The following LMBR1 variants were observed in gnomAD, a reference collection of about 807,000 sequenced individuals.
The protein encoded by LMBR1 is limb region 1 protein homolog.
A neutral mutation model predicts 73.9 loss-of-function variants in LMBR1; 52 were observed. That is an observed-to-expected ratio of 0.70 (90% confidence interval 0.56 to 0.89). The LOEUF (loss-of-function observed/expected upper bound fraction) is 0.89, where lower values mean the gene tolerates loss of function less well. Ranked by LOEUF, LMBR1 falls within the 40% of genes least tolerant of loss-of-function variation. The pLI is 0.00. For synonymous variants in LMBR1, 215 were observed against 209.4 expected, an observed-to-expected ratio of 1.03 and a Z score of -0.23; for missense variants, 539 against 579.8, an observed-to-expected ratio of 0.93 and a Z score of 0.72.
At chr7:156,892,177 C>G (rs73167981) in intron 1 of LMBR1, among the ~76,000 whole-genome samples, 6,066 of 152,320 alleles carry the variant, frequency 0.04, 169 homozygotes, top group Admixed American at 0.048. Context: ...AGCTGCTTCC[C>G]TAAGAAGTTG....
intron 4 of LMBR1, among the ~76,000 whole-genome samples, chr7:156,814,360 C>T (rs556949716): frequency 1.3e-5 from 2 of 152,220 alleles, no homozygotes; most frequent in African/African-American, 4.8e-5. Context: ...TTAATTCTAT[C>T]AACATAAAAC....
At chr7:156,699,975 G>C (rs898284951) in intron 15 of LMBR1, among the ~76,000 whole-genome samples, 1 of 152,204 alleles carries the variant, frequency 6.6e-6, no homozygotes, top group African/African-American at 2.4e-5. Context: ...CGTTGTGGAA[G>C]TCAGTGTGGC....
rs576124461 is a variant in LMBR1 at position 156,825,212 on chromosome 7, T to C, written c.319+1393A>G. Among the ~76,000 whole-genome samples the C allele has an allele frequency of 9.9e-5, 15 of 152,172 alleles. No homozygotes were observed. In the East Asian group the frequency reaches 2.9e-3, roughly 29 times the overall value. ...TAAGGTTCTTACTAAGAAAAAAAAT[T>C]TTCAAAAAACTTTTACCTTAAAATG... On this transcript the variant is annotated intron_variant, in intron 4 of 16. Transcript: ENST00000353442.
intron 3 of LMBR1, among the ~76,000 whole-genome samples, chr7:156,831,532 C>CGA (rs1836696241): frequency 1.3e-5 from 2 of 152,102 alleles, no homozygotes; most frequent in African/African-American, 4.8e-5. Flanking sequence ...GACTCCTCCT[C>CGA]AGGTGACCCT....
At chr7:156,673,001 C>T (rs541375490), downstream of LMBR1, among the ~76,000 whole-genome samples, 5 of 152,324 alleles carry the variant, frequency 3.3e-5, no homozygotes, top group Admixed American at 6.5e-5. Flanking sequence ...AGGCCCGGGG[C>T]AAAGCCTGAA....
At chr7:156,675,633 G>C, downstream of LMBR1, 2 of 1,438,732 alleles carry the variant, frequency 1.4e-6, no homozygotes, top group Non-Finnish European at 1.9e-6. Flanking sequence ...AGGCTCGAGA[G>C]CGCTTCCCTG....
chr7:156,731,242 T>C (rs945886164), intron 10 of LMBR1, among the ~76,000 whole-genome samples: 1 of 151,840 alleles, frequency 6.6e-6, no homozygotes, highest in African/African-American at 2.4e-5. Flanking sequence ...GACTGAAGCA[T>C]GAAGATAAAA....
intron 1 of LMBR1, among the ~76,000 whole-genome samples, chr7:156,875,607 T>C (rs1458773785): frequency 6.6e-6 from 1 of 152,112 alleles, no homozygotes; most frequent in Non-Finnish European, 1.5e-5. Flanking sequence ...CCAGAGTAAC[T>C]GCAGATTTCT....
At chr7:156,810,151 G>A in intron 4 of LMBR1, among the ~76,000 whole-genome samples, 1 of 152,160 alleles carries the variant, frequency 6.6e-6, no homozygotes, top group East Asian at 1.9e-4. Context: ...GCTGTGAGGA[G>A]GGCCTCAAGC....
At chr7:156,743,208 G>A (rs1819230315) in intron 9 of LMBR1, among the ~76,000 whole-genome samples, 1 of 152,006 alleles carries the variant, frequency 6.6e-6, no homozygotes, top group Non-Finnish European at 1.5e-5. Flanking sequence ...GGGGATTCTG[G>A]GGTATAAATT....
At chr7:156,782,754 G>A (rs948747436) in intron 5 of LMBR1, among the ~76,000 whole-genome samples, 3 of 152,012 alleles carry the variant, frequency 2.0e-5, no homozygotes, top group East Asian at 1.9e-4. Context: ...CATATTGGCC[G>A]GGCTGGTCTC....
At position 156,688,184 on chromosome 7, in the gene LMBR1, A is replaced by T. The variant is rs376730383; in HGVS notation, c.1233T>A (p.Thr411=). 28 of 1,590,142 alleles carry T rather than the reference A, an allele frequency of 1.8e-5. No homozygotes were observed. In the Middle Eastern group the frequency reaches 5.0e-4, roughly 29 times the overall value. ...CAAAGTCGCCAAGTAGATCAAATCT[A>T]GTGATTCCTGTTAAAAATAAATAAA... The part of the protein sequence containing the change: ...LPVMSRTLGI[T]RFDLLGDFGR... The change falls in exon 16 of 17, where the codon ACT becomes ACA. Residue 411 remains threonine (T), a synonymous_variant. Coordinates refer to ENST00000353442, the MANE Select transcript of LMBR1 (RefSeq NM_022458.4).
intron 10 of LMBR1, among the ~76,000 whole-genome samples, chr7:156,729,530 G>A (rs1181322279): frequency 2.0e-5 from 3 of 147,040 alleles, no homozygotes; most frequent in Admixed American, 6.9e-5. Flanking sequence ...CTGGAGTGCA[G>A]TGGCACAATC....
downstream of LMBR1, chr7:156,676,620 C>T (rs544655520): frequency 8.1e-6 from 13 of 1,614,012 alleles, no homozygotes; most frequent in Admixed American, 1.3e-4. Flanking sequence ...TCCTCTCTGC[C>T]GCTCCTGCTA....
chr7:156,888,653 C>A (rs959303846), intron 1 of LMBR1, among the ~76,000 whole-genome samples: 4 of 152,152 alleles, frequency 2.6e-5, no homozygotes, highest in Admixed American at 1.3e-4. Context: ...CACGTTGGCT[C>A]CCGCCTGTAA....
At chr7:156,675,937 G>A (rs995018442), downstream of LMBR1, 44 of 1,457,874 alleles carry the variant, frequency 3.0e-5, no homozygotes, top group Admixed American at 5.7e-4. Flanking sequence ...TGGCATGTGG[G>A]GGGAGGTCGA....
intron 4 of LMBR1, among the ~76,000 whole-genome samples, chr7:156,813,358 G>A (rs1157303037): frequency 6.6e-6 from 1 of 152,154 alleles, no homozygotes; most frequent in Non-Finnish European, 1.5e-5. Context: ...TAGAAAAAAT[G>A]TTTTAAAACT....
chr7:156,855,780 C>G (rs1796876368), intron 1 of LMBR1, among the ~76,000 whole-genome samples: 1 of 150,602 alleles, frequency 6.6e-6, no homozygotes, highest in South Asian at 2.1e-4. Flanking sequence ...AAATGCCTTA[C>G]AAATAGAGGA....
rs71838136 is a variant in LMBR1, at chr7:156,681,085, T to TAA, written c.*2991_*2992dup. ...GTCGGTGCTGCATCTATGTTCACATTAAAAAAAAAAACTTGTAAGAATTCT... is the reference window on the plus strand; with the variant it reads ...GTCGGTGCTGCATCTATGTTCACATTAAAAAAAAAAAAACTTGTAAGAATTCT... On this transcript the variant is annotated 3_prime_UTR_variant, in exon 17 of 17. Transcript: ENST00000353442. 0.017 allele frequency: 6,462 copies of TAA among 371,968 alleles called. No homozygotes were observed. The highest frequency in any genetic ancestry group is 0.027 in the South Asian group (1,301 of 47,466). The allele number at this position is 371,968 out of a possible 1,614,324, so 23.0% of individuals were successfully genotyped here.
Sources: gnomAD v4.1 joint callset for allele counts (sites outside exome capture counted in the v4.1 genomes callset) on GRCh38, gnomAD v4.1.1 for gene constraint, MANE v1.5 for transcripts, NCBI Gene and HGNC (gene_info 2026-07-23, HGNC 2026-07-21) for gene names.